Variants in CHRM3 observed in about 807,000 individuals in gnomAD.
The protein encoded by CHRM3 is muscarinic acetylcholine receptor M3.
CHRM3 carries 11 observed loss-of-function variants against 41.8 expected under a neutral mutation model. That is an observed-to-expected ratio of 0.26 (90% confidence interval 0.17 to 0.44). CHRM3 has a LOEUF of 0.44. Ranked by LOEUF, CHRM3 falls within the 20% of genes least tolerant of loss-of-function variation. The pLI, the probability that CHRM3 is intolerant of heterozygous loss-of-function variation, is 1.00. For missense variants in CHRM3, 571 were observed against 745.4 expected, an observed-to-expected ratio of 0.77 and a Z score of 2.72; for synonymous variants, 297 against 301.4, an observed-to-expected ratio of 0.99 and a Z score of 0.15.
intron 1 of CHRM3, among the ~76,000 whole-genome samples, chr1:239,399,331 C>T (rs758976194): frequency 6.9e-6 from 1 of 144,262 alleles, no homozygotes; most frequent in Admixed American, 6.8e-5. Context: ...TCCATGACCT[C>T]TGATTTTTTT....
chr1:239,888,597 CAAA>C (rs34779972), intron 6 of CHRM3, among the ~76,000 whole-genome samples: 17 of 99,346 alleles, frequency 1.7e-4, no homozygotes, highest in Non-Finnish European at 2.1e-4. Context: ...GACCCTGTCT[CAAA>C]AAAAAAAAAA....
intron 5 of CHRM3, among the ~76,000 whole-genome samples, chr1:239,821,351 T>C (rs1196248911): frequency 3.3e-5 from 5 of 152,232 alleles, no homozygotes; most frequent in African/African-American, 1.2e-4. Flanking sequence ...ATGGGGTAGG[T>C]GTGAGCTGTG....
chr1:239,641,223 G>GA (rs1439046012), intron 4 of CHRM3, among the ~76,000 whole-genome samples: 2 of 152,068 alleles, frequency 1.3e-5, no homozygotes, highest in South Asian at 2.1e-4. Context: ...GTGCGGTGCT[G>GA]AAAAAAATGT....
intron 1 of CHRM3, among the ~76,000 whole-genome samples, chr1:239,454,491 A>G (rs1447979471): frequency 6.8e-6 from 1 of 146,682 alleles, no homozygotes. Flanking sequence ...TTTTTTATGG[A>G]GGCTTCATTA....
chr1:239,819,137 C>CT (rs1381503958), intron 5 of CHRM3, among the ~76,000 whole-genome samples: 4 of 152,164 alleles, frequency 2.6e-5, no homozygotes, highest in Admixed American at 1.3e-4. Context: ...ACTGGAGTCC[C>CT]TGGCCAAGCA....
intron 1 of CHRM3, among the ~76,000 whole-genome samples, chr1:239,490,881 C>T (rs1465298261): frequency 6.6e-6 from 1 of 152,230 alleles, no homozygotes; most frequent in Non-Finnish European, 1.5e-5. Context: ...GCTGGGACTA[C>T]AGATGTGCAC....
intron 2 of CHRM3, among the ~76,000 whole-genome samples, chr1:239,538,612 G>C (rs886635687): frequency 7.2e-5 from 11 of 152,146 alleles, no homozygotes; most frequent in African/African-American, 2.7e-4. Context: ...TCATTTAACT[G>C]TCCTTACTTA....
At chr1:239,388,827 C>T (rs151049625) in intron 1 of CHRM3, among the ~76,000 whole-genome samples, 1 of 152,330 alleles carries the variant, frequency 6.6e-6, no homozygotes, top group East Asian at 1.9e-4. Context: ...GCTTCTACCG[C>T]CGAATAGTCT....
chr1:239,681,427 C>T (rs905584438), intron 5 of CHRM3, among the ~76,000 whole-genome samples: 1 of 152,230 alleles, frequency 6.6e-6, no homozygotes, highest in Non-Finnish European at 1.5e-5. Flanking sequence ...GCCCACATCC[C>T]TGGTGCATGG....
chr1:239,904,741 A>G (rs1163131204), intron 6 of CHRM3, among the ~76,000 whole-genome samples: 1 of 152,226 alleles, frequency 6.6e-6, no homozygotes, highest in Non-Finnish European at 1.5e-5. Flanking sequence ...AAATCAGTGC[A>G]ATGTCAGATA....
chr1:239,388,362 C>G (rs1439475997), intron 1 of CHRM3, among the ~76,000 whole-genome samples: 1 of 152,194 alleles, frequency 6.6e-6, no homozygotes, highest in Non-Finnish European at 1.5e-5. Context: ...TTTCCTTTCT[C>G]TCTTGCCCTC....
In CHRM3 at chr1:239,907,374, A is replaced by T; in HGVS notation, c.-19-59A>T. On this transcript the variant is annotated intron_variant, in intron 6 of 6. Transcript: ENST00000676153. This position sits in a 1 kb window ranked among gnomAD's most constrained non-coding sequence, Gnocchi z 5.4. ...ATGTCTTTTAACGTATGTAATGCAA[A>T]GAACAAACAAATAAAGGCAGAAATT... 1 of 1,359,618 alleles carries T rather than the reference A, an allele frequency of 7.4e-7. No individual in the cohort carries two copies. The highest frequency in any genetic ancestry group is 1.0e-6 in the Non-Finnish European group (1 of 980,972). The allele number at this position is 1,359,618 out of a possible 1,614,324, so 84.2% of individuals were successfully genotyped here. A position where few individuals can be genotyped will look rare whatever the true frequency, so the allele number is the denominator to read the frequency against.
At chr1:239,459,963 G>A (rs1379231480) in intron 1 of CHRM3, among the ~76,000 whole-genome samples, 1 of 152,148 alleles carries the variant, frequency 6.6e-6, no homozygotes, top group Non-Finnish European at 1.5e-5. Context: ...GCCCTATTCA[G>A]GGGCTTTACC....
chr1:239,412,428 C>A (rs912468877), intron 1 of CHRM3, among the ~76,000 whole-genome samples: 1 of 144,412 alleles, frequency 6.9e-6, no homozygotes, highest in African/African-American at 2.6e-5. Context: ...TCCAGGCCTG[C>A]CGTATAGCGA....
intron 1 of CHRM3, among the ~76,000 whole-genome samples, chr1:239,439,882 T>C (rs1231036378): frequency 6.6e-6 from 1 of 152,100 alleles, no homozygotes; most frequent in Non-Finnish European, 1.5e-5. Context: ...GCAAAGAAGA[T>C]GGTCGATATC....
At chr1:239,687,105 T>G (rs1041228399) in intron 5 of CHRM3, among the ~76,000 whole-genome samples, 2 of 151,682 alleles carry the variant, frequency 1.3e-5, no homozygotes, top group Non-Finnish European at 2.9e-5. Flanking sequence ...CATTATTATT[T>G]TATTGATACT....
At chr1:239,862,609 T>TTAAATGTAC (rs1353590253) in intron 6 of CHRM3, among the ~76,000 whole-genome samples, 2 of 152,208 alleles carry the variant, frequency 1.3e-5, no homozygotes, top group Admixed American at 1.3e-4. Context: ...AAGCAAATAA[T>TTAAATGTAC]TAAATGTACT....
chr1:239,641,797 AT>A (rs1671185944), intron 4 of CHRM3, among the ~76,000 whole-genome samples: 1 of 91,006 alleles, frequency 1.1e-5, no homozygotes, highest in African/African-American at 3.9e-5. Flanking sequence ...TGTGAATTTG[AT>A]CCTGTCATTA....
At chr1:239,810,481 A>G (rs1671032531) in intron 5 of CHRM3, among the ~76,000 whole-genome samples, 1 of 152,172 alleles carries the variant, frequency 6.6e-6, no homozygotes, top group Non-Finnish European at 1.5e-5. Context: ...ATGCTTCTCA[A>G]GATCATTGAG....
Sources: gnomAD v4.1 joint callset for allele counts (sites outside exome capture counted in the v4.1 genomes callset) on GRCh38, gnomAD v4.1.1 for gene constraint, Gnocchi (gnomAD v3.1) non-coding constraint, MANE v1.5 for transcripts, NCBI Gene and HGNC (gene_info 2026-07-23, HGNC 2026-07-21) for gene names.